The following TAMM41 variants were observed in gnomAD, a reference collection of about 807,000 sequenced individuals.
The protein encoded by TAMM41 is TAM41 mitochondrial translocator assembly and maintenance homolog, also known as phosphatidate cytidylyltransferase, mitochondrial.
In TAMM41, 36 loss-of-function variants were observed where a neutral mutation model predicts 44.1. The observed-to-expected ratio is 0.82, with a 90% CI of 0.63 to 1.08. TAMM41 has a LOEUF of 1.08. Among genes scored for constraint, TAMM41 ranks in the 50% least tolerant of loss-of-function variants. The pLI is 0.00. For synonymous variants in TAMM41, 164 were observed against 153.1 expected (o/e 1.07, Z -0.53); for missense variants, 417 against 404.3 (o/e 1.03, Z -0.27).
chr3:11,772,056 T>C, the TAMM41 span, among the ~76,000 whole-genome samples: 2 of 151,326 alleles, frequency 1.3e-5, no homozygotes, highest in South Asian at 4.2e-4. Context: ...GTCTCCAGTG[T>C]CTGTTTTTCT....
the TAMM41 span, among the ~76,000 whole-genome samples, chr3:11,772,113 T>C: frequency 6.4e-4 from 97 of 150,766 alleles, no homozygotes; most frequent in Non-Finnish European, 1.2e-3. Flanking sequence ...CTCTGTTGCC[T>C]AGGCTGGAGT....
chr3:11,734,632 T>C, the TAMM41 span, among the ~76,000 whole-genome samples: 1 of 152,316 alleles, frequency 6.6e-6, no homozygotes, highest in African/African-American at 2.4e-5. Context: ...ACATAGTTCA[T>C]TGAGTGTCTA....
At chr3:11,845,954 G>T (rs1029931767) in intron 1 of TAMM41, among the ~76,000 whole-genome samples, 7 of 152,200 alleles carry the variant, frequency 4.6e-5, no homozygotes, top group East Asian at 1.9e-4. Flanking sequence ...CACTGCACCT[G>T]CCCTGGCCCT....
At chr3:11,782,338 C>T in the TAMM41 span, among the ~76,000 whole-genome samples, 2 of 151,992 alleles carry the variant, frequency 1.3e-5, no homozygotes, top group African/African-American at 4.8e-5. Context: ...TTGAGCCCAG[C>T]AGCTCAAGAC....
At chr3:11,737,410 T>C in the TAMM41 span, among the ~76,000 whole-genome samples, 3 of 151,816 alleles carry the variant, frequency 2.0e-5, no homozygotes, top group African/African-American at 7.3e-5. Context: ...ATCCTCCGCC[T>C]CCCAGGTTCA....
chr3:11,752,436 G>A, the TAMM41 span, among the ~76,000 whole-genome samples: 1 of 151,886 alleles, frequency 6.6e-6, no homozygotes. Context: ...CCATTTTACA[G>A]AATGCTGATT....
At chr3:11,784,811 T>C in the TAMM41 span, among the ~76,000 whole-genome samples, 5 of 148,898 alleles carry the variant, frequency 3.4e-5, no homozygotes, top group Non-Finnish European at 5.9e-5. Flanking sequence ...TTTTTTTTTT[T>C]TTTTTTGAGG....
intron 4 of TAMM41, among the ~76,000 whole-genome samples, chr3:11,829,016 A>G (rs1398926170): frequency 6.6e-6 from 1 of 152,164 alleles, no homozygotes; most frequent in Non-Finnish European, 1.5e-5. Flanking sequence ...TATAGTAAAA[A>G]GATAGATGGG....
the TAMM41 span, among the ~76,000 whole-genome samples, chr3:11,780,573 T>G: frequency 6.6e-6 from 1 of 152,200 alleles, no homozygotes; most frequent in Admixed American, 6.5e-5. Context: ...TCCTCATGCA[T>G]GTAATAGGGA....
the TAMM41 span, among the ~76,000 whole-genome samples, chr3:11,768,437 C>T: frequency 6.6e-6 from 1 of 152,188 alleles, no homozygotes; most frequent in South Asian, 2.1e-4. Flanking sequence ...TGCACCCAGC[C>T]AAATCCTTTT....
At chr3:11,728,030 G>T in the TAMM41 span, among the ~76,000 whole-genome samples, 1 of 151,532 alleles carries the variant, frequency 6.6e-6, no homozygotes, top group Non-Finnish European at 1.5e-5. Context: ...CAGGTGATCC[G>T]CCCACCTTGA....
At chr3:11,754,706 CTCTTT>C in the TAMM41 span, among the ~76,000 whole-genome samples, 95 of 106,862 alleles carry the variant, frequency 8.9e-4, no homozygotes, top group African/African-American at 3.1e-3. Context: ...TTTCTCAGAT[CTCTTT>C]TTTTTTTTTT....
the TAMM41 span, among the ~76,000 whole-genome samples, chr3:11,772,303 C>G: frequency 0.2 from 29,883 of 147,746 alleles, 3,542 homozygotes; most frequent in East Asian, 0.55. Context: ...GGATGGTCTT[C>G]ATCTCCTGAC....
At chr3:11,795,046 A>C in intron 7 of TAMM41, among the ~76,000 whole-genome samples, 1 of 152,206 alleles carries the variant, frequency 6.6e-6, no homozygotes, top group African/African-American at 2.4e-5. Flanking sequence ...AAATGGAAGA[A>C]ATGCTTCAGT....
chr3:11,846,413 C>G, intron 1 of TAMM41, 89 bp downstream of exon 1: 3 of 1,457,832 alleles, frequency 2.1e-6, no homozygotes, highest in South Asian at 1.2e-5. Context: ...GCAGAGCGGA[C>G]AGGCAGCTCT....
At chr3:11,819,062 T>C (rs2078406171) in intron 4 of TAMM41, among the ~76,000 whole-genome samples, 1 of 151,908 alleles carries the variant, frequency 6.6e-6, no homozygotes, top group African/African-American at 2.4e-5. Flanking sequence ...GGAAAGAGAG[T>C]TAGATAGTTA....
At chr3:11,752,667 T>C in the TAMM41 span, among the ~76,000 whole-genome samples, 1 of 135,964 alleles carries the variant, frequency 7.4e-6, no homozygotes, top group East Asian at 2.3e-4. Flanking sequence ...AGACAGGGTC[T>C]TGCTCTCTAT....
At chr3:11,813,817 G>C (rs565532459) in intron 5 of TAMM41, among the ~76,000 whole-genome samples, 1 of 136,754 alleles carries the variant, frequency 7.3e-6, no homozygotes, top group Non-Finnish European at 1.6e-5. Context: ...AGATCATATG[G>C]GTACAAATAT....
chr3:11,783,811 G>C, the TAMM41 span, among the ~76,000 whole-genome samples: 2 of 152,214 alleles, frequency 1.3e-5, no homozygotes, highest in Non-Finnish European at 2.9e-5. Context: ...ACATGGGCTT[G>C]AATCCTGGTT....
Sources: allele counts gnomAD v4.1 joint callset (sites outside exome capture counted in the v4.1 genomes callset), GRCh38; gene constraint gnomAD v4.1.1; transcripts MANE v1.5; gene names NCBI Gene and HGNC (gene_info 2026-07-23, HGNC 2026-07-21).